SYT1: variants seen among roughly 807,000 people sequenced by gnomAD.
SYT1 encodes synaptotagmin-1.
A neutral mutation model predicts 44.8 loss-of-function variants in SYT1; 8 were observed. The observed-to-expected ratio is 0.18, with a 90% confidence interval of 0.10 to 0.32. SYT1 has a LOEUF of 0.32. Among genes scored for constraint, SYT1 ranks in the 10% least tolerant of loss-of-function variants. The probability of loss-of-function intolerance (pLI) is 1.00; values close to 1 mark genes in which losing one functional copy is unlikely to be tolerated. For missense variants in SYT1, 286 were observed against 509.3 expected (o/e 0.56, Z 4.22); for synonymous variants, 154 against 188.8 (o/e 0.82, Z 1.51).
At chr12:79,402,530 A>T (rs777731186) in intron 9 of SYT1, among the ~76,000 whole-genome samples, 1 of 152,190 alleles carries the variant, frequency 6.6e-6, no homozygotes, top group Non-Finnish European at 1.5e-5. Flanking sequence ...AGATTTTCGC[A>T]GGTGTTTCCT....
chr12:79,336,857 G>T (rs1477927742), intron 8 of SYT1, among the ~76,000 whole-genome samples: 2 of 151,900 alleles, frequency 1.3e-5, no homozygotes, highest in South Asian at 2.1e-4. Context: ...TATTTTGGGG[G>T]GTGGAGACAG....
intron 1 of SYT1, among the ~76,000 whole-genome samples, chr12:78,896,918 A>C (rs1875391542): frequency 6.6e-6 from 1 of 151,802 alleles, no homozygotes; most frequent in South Asian, 2.1e-4. Flanking sequence ...CTACAGCAAA[A>C]TTACTTTCAA....
intron 2 of SYT1, among the ~76,000 whole-genome samples, chr12:79,001,156 A>T (rs1870713432): frequency 6.6e-6 from 1 of 152,114 alleles, no homozygotes; most frequent in South Asian, 2.1e-4. Flanking sequence ...AGTAGCTAAA[A>T]ATTGCCATTA....
intron 6 of SYT1, among the ~76,000 whole-genome samples, chr12:79,293,139 TG>T (rs1314114036): frequency 6.9e-6 from 1 of 145,142 alleles, no homozygotes; most frequent in African/African-American, 2.5e-5. Flanking sequence ...GGTGAAACCC[TG>T]TCTCTACAAA....
intron 2 of SYT1, among the ~76,000 whole-genome samples, chr12:79,002,162 ATT>A (rs771469260): frequency 6.0e-4 from 92 of 152,254 alleles, no homozygotes; most frequent in Non-Finnish European, 7.5e-4. Context: ...AATTAAATCA[ATT>A]TTATTATAGA....
At chr12:78,872,019 G>C (rs1296781595) in intron 1 of SYT1, among the ~76,000 whole-genome samples, 3 of 151,858 alleles carry the variant, frequency 2.0e-5, no homozygotes, top group Non-Finnish European at 4.4e-5. Context: ...AAATTCTTCT[G>C]TTAAAAGCTT....
chr12:79,312,915 T>C (rs563490481), intron 8 of SYT1, among the ~76,000 whole-genome samples: 1 of 152,304 alleles, frequency 6.6e-6, no homozygotes. Flanking sequence ...TGACTGCTGC[T>C]ACAAATTAAA....
intron 1 of SYT1, among the ~76,000 whole-genome samples, chr12:78,894,827 G>A (rs1294163916): frequency 4.0e-5 from 6 of 151,248 alleles, no homozygotes; most frequent in Admixed American, 6.6e-5. Flanking sequence ...AGAAGAGTAA[G>A]TTTAAGAGAC....
In SYT1 at chr12:79,120,950, TATAG is replaced by T. The variant is rs1188548854; in HGVS notation, c.-18+73592_-18+73595del. Among the ~76,000 whole-genome samples, 394 of 146,678 alleles carry T rather than the reference TATAG, an allele frequency of 2.7e-3. 1 individual carries two copies. The highest frequency in any genetic ancestry group is 9.7e-3 in the African/African-American group (382 of 39,514). On this transcript the variant is annotated intron_variant, in intron 3 of 10. Transcript: ENST00000261205. ...GTATGTATATATATCTATATATATA[TATAG>T]ATATATATACACACACACATTTGTA...
intron 3 of SYT1, among the ~76,000 whole-genome samples, chr12:79,085,056 TTTGTA>T: frequency 6.6e-6 from 1 of 152,246 alleles, no homozygotes; most frequent in East Asian, 1.9e-4. Flanking sequence ...TTTTAAAATT[TTTGTA>T]TGAAGCAAAG....
At chr12:79,416,602 A>G (rs970435349) in intron 9 of SYT1, among the ~76,000 whole-genome samples, 4 of 152,130 alleles carry the variant, frequency 2.6e-5, no homozygotes, top group African/African-American at 7.2e-5. Flanking sequence ...CTTTTAAAAA[A>G]CTCAGCTAAT....
chr12:79,132,531 G>T (rs191751497), intron 3 of SYT1, among the ~76,000 whole-genome samples: 101 of 151,624 alleles, frequency 6.7e-4, no homozygotes, highest in Non-Finnish European at 1.3e-3. Flanking sequence ...AGTAAAAGCC[G>T]CAATAAAATC....
At chr12:78,948,270 C>T (rs1447989433) in intron 1 of SYT1, among the ~76,000 whole-genome samples, 1 of 151,718 alleles carries the variant, frequency 6.6e-6, no homozygotes, top group Non-Finnish European at 1.5e-5. Flanking sequence ...TATCTTTACT[C>T]CTAATCAAAA....
At chr12:79,249,557 A>G (rs1038424385) in intron 4 of SYT1, among the ~76,000 whole-genome samples, 8 of 152,156 alleles carry the variant, frequency 5.3e-5, no homozygotes, top group Non-Finnish European at 1.2e-4. Context: ...AGAAAGACCA[A>G]AAGTTATTGG....
chr12:79,024,673 G>C (rs766443255), intron 2 of SYT1, among the ~76,000 whole-genome samples: 1 of 151,728 alleles, frequency 6.6e-6, no homozygotes, highest in Non-Finnish European at 1.5e-5. Flanking sequence ...CCCCTGGAAA[G>C]TACTTTCTAG....
In SYT1 at chr12:79,188,007, C is replaced by T. The variant is rs186137596; in HGVS notation, c.-17-29496C>T. On this transcript the variant is annotated intron_variant, in intron 3 of 10. Transcript: ENST00000261205. ...ACTATCAAGACTTGGGAAAGAAACA[C>T]GTCTTTTTAAAAAACACACACATGT... Among the ~76,000 whole-genome samples the T allele has an allele frequency of 1.5e-4, 23 of 152,212 alleles. No individual in the cohort carries two copies. The East Asian group carries it at 3.3e-3, about 22-fold the overall frequency.
rs186970556 is a variant in SYT1 at position 78,952,772 on chromosome 12, G to A, written c.-216-25027G>A. 2.2e-3 allele frequency among the ~76,000 whole-genome samples: 332 copies of A among 152,112 alleles called. 2 individuals carry two copies. The highest frequency in any genetic ancestry group is 6.8e-3 in the Middle Eastern group (2 of 294). On this transcript the variant is annotated intron_variant, in intron 1 of 10. Coordinates refer to ENST00000261205, the MANE Select transcript of SYT1 (RefSeq NM_005639.3). Reference sequence around the variant, plus strand: ...TGGCCACTGCTAAAGGAGGTTGTTCGGGATGACACAACCCTTTCTCCATCA... The same window carrying A: ...TGGCCACTGCTAAAGGAGGTTGTTCAGGATGACACAACCCTTTCTCCATCA...
At chr12:78,908,445 T>A (rs540712831) in intron 1 of SYT1, among the ~76,000 whole-genome samples, 1 of 151,986 alleles carries the variant, frequency 6.6e-6, no homozygotes, top group East Asian at 1.9e-4. Context: ...ATGGTACAAC[T>A]TCAAAGAAAC....
chr12:79,143,578 T>G (rs1408767443), intron 3 of SYT1, among the ~76,000 whole-genome samples: 1 of 152,214 alleles, frequency 6.6e-6, no homozygotes, highest in Non-Finnish European at 1.5e-5. Flanking sequence ...TGCTGCAGAT[T>G]TAGATTGTGC....
Sources: allele counts gnomAD v4.1 joint callset (sites outside exome capture counted in the v4.1 genomes callset), GRCh38; gene constraint gnomAD v4.1.1; transcripts MANE v1.5; gene names NCBI Gene and HGNC (gene_info 2026-07-23, HGNC 2026-07-21).